The following EPB41L4A variants were observed in gnomAD, a reference collection of about 807,000 sequenced individuals.
The protein encoded by EPB41L4A is band 4.1-like protein 4A.
In EPB41L4A, 100 loss-of-function variants were observed where a neutral mutation model predicts 108.6. That is an observed-to-expected ratio of 0.92 (90% CI 0.78 to 1.09). The LOEUF (loss-of-function observed/expected upper bound fraction) is 1.09, where lower values mean the gene tolerates loss of function less well. Among genes scored for constraint, EPB41L4A ranks in the 50% least tolerant of loss-of-function variants. EPB41L4A has a pLI of 0.00. For missense variants in EPB41L4A, 1,030 were observed against 842.7 expected (o/e 1.22, Z -2.75); for synonymous variants, 319 against 289.0 (o/e 1.10, Z -1.05).
intron 4 of EPB41L4A, among the ~76,000 whole-genome samples, chr5:112,273,854 C>T (rs181497564): frequency 6.6e-6 from 1 of 152,290 alleles, no homozygotes; most frequent in South Asian, 2.1e-4. Context: ...TCCCTCCCCT[C>T]AACATATCCT....
intron 17 of EPB41L4A, among the ~76,000 whole-genome samples, chr5:112,185,297 G>T (rs1166190488): frequency 6.6e-6 from 1 of 152,192 alleles, no homozygotes; most frequent in Non-Finnish European, 1.5e-5. Flanking sequence ...GGCAGGCTTG[G>T]AGGCATTTCC....
chr5:112,416,335 CAAT>C (rs1762718754), intron 1 of EPB41L4A, among the ~76,000 whole-genome samples: 1 of 151,962 alleles, frequency 6.6e-6, no homozygotes, highest in African/African-American at 2.4e-5. Flanking sequence ...ATTACTGTAA[CAAT>C]AATACAAGCA....
intron 3 of EPB41L4A, among the ~76,000 whole-genome samples, chr5:112,277,566 C>T (rs1212583845): frequency 6.6e-6 from 1 of 152,068 alleles, no homozygotes; most frequent in Admixed American, 6.6e-5. Flanking sequence ...ATGCAAGGCA[C>T]ATTAAACTCC....
intron 1 of EPB41L4A, among the ~76,000 whole-genome samples, chr5:112,343,059 A>C (rs1275819725): frequency 1.3e-5 from 2 of 152,250 alleles, no homozygotes; most frequent in African/African-American, 4.8e-5. Flanking sequence ...CTAGCATACA[A>C]AGCACAAATA....
intron 1 of EPB41L4A, among the ~76,000 whole-genome samples, chr5:112,417,847 T>A (rs1310556430): frequency 6.6e-6 from 1 of 152,210 alleles, no homozygotes; most frequent in Non-Finnish European, 1.5e-5. Flanking sequence ...TTCTGTACAC[T>A]AAGAATGGCA....
chr5:112,351,685 C>T (rs1308848152), intron 1 of EPB41L4A, among the ~76,000 whole-genome samples: 1 of 151,912 alleles, frequency 6.6e-6, no homozygotes, highest in African/African-American at 2.4e-5. Flanking sequence ...CAGAGAGAGA[C>T]AGAGAGAGAG....
intron 2 of EPB41L4A, among the ~76,000 whole-genome samples, chr5:112,286,277 G>A (rs562089663): frequency 6.6e-6 from 1 of 152,026 alleles, no homozygotes; most frequent in Non-Finnish European, 1.5e-5. Context: ...ACACCCATGG[G>A]TAACTCCAAT....
At position 112,170,292 on chromosome 5, in the gene EPB41L4A, G is replaced by A; in HGVS notation, c.1739+9C>T. 1.2e-6 allele frequency: 2 copies of A among 1,611,892 alleles called. No individual in the cohort carries two copies. The highest frequency in any genetic ancestry group is 1.7e-6 in the Non-Finnish European group (2 of 1,178,730). On this transcript the variant is annotated intron_variant, in intron 20 of 22. Transcript: ENST00000261486. ...AAGCTTTGGTGAGAAGATTCTGAAAGGCACTCACTCTATTTTAGTGTATGG... is the reference window on the plus strand; with the variant it reads ...AAGCTTTGGTGAGAAGATTCTGAAAAGCACTCACTCTATTTTAGTGTATGG...
intron 12 of EPB41L4A, 151 bp downstream of exon 12, chr5:112,234,483 T>C: frequency 1.7e-6 from 1 of 602,382 alleles, no homozygotes; most frequent in Non-Finnish European, 2.5e-6. Context: ...ATTTCCAAGA[T>C]CAAATTAAAA....
chr5:112,254,962 T>C (rs1289629184), intron 9 of EPB41L4A, among the ~76,000 whole-genome samples: 1 of 152,128 alleles, frequency 6.6e-6, no homozygotes, highest in African/African-American at 2.4e-5. Flanking sequence ...GTTTCCACTG[T>C]AGCCCTCGAG....
At chr5:112,234,568 T>C in intron 12 of EPB41L4A, 66 bp downstream of exon 12, 1 of 1,520,214 alleles carries the variant, frequency 6.6e-7, no homozygotes, top group Non-Finnish European at 9.0e-7. Flanking sequence ...CACCTGAGTA[T>C]ATCTTACACT....
chr5:112,419,231 C>G lies in EPB41L4A; in HGVS notation c.-192G>C. ...CGGGAGCGAGAAAGGCGGAAAAGCCCGGGAGAGTCAGCGCCCGGGAGCCGC... is the reference window on the plus strand; with the variant it reads ...CGGGAGCGAGAAAGGCGGAAAAGCCGGGGAGAGTCAGCGCCCGGGAGCCGC... On this transcript the variant is annotated 5_prime_UTR_variant, in exon 1 of 23. Transcript: ENST00000261486. The G allele has an allele frequency of 4.4e-6, 2 of 455,292 alleles. No homozygotes were observed. The highest frequency in any genetic ancestry group is 6.1e-5 in the South Asian group (2 of 32,870). 28.2% of individuals were successfully genotyped at this position (455,292 alleles called of 1,614,324 possible).
Position 112,164,977 on chromosome 5 carries a change from CCCTT to C in EPB41L4A, c.*9_*12del. 6.2e-7 allele frequency: 1 copy of C among 1,609,802 alleles called. No individual in the cohort carries two copies. Among genetic ancestry groups the C allele is most frequent in the Non-Finnish European group, 8.5e-7 (1 of 1,178,690 alleles). ...ACAACCTTCCCACCCCTACCCTTGA[CCCTT>C]CATCAGGATCAAGTCTCTGTCTTGA... On this transcript the variant is annotated 3_prime_UTR_variant, in exon 23 of 23. Transcript: ENST00000261486.
At chr5:112,159,667 A>G (rs1759778386), downstream of EPB41L4A, among the ~76,000 whole-genome samples, 2 of 152,124 alleles carry the variant, frequency 1.3e-5, no homozygotes, top group African/African-American at 4.8e-5. Flanking sequence ...GCCTTCACAC[A>G]TCTGCTCGGA....
At chr5:112,409,695 G>A (rs1762301949) in intron 1 of EPB41L4A, among the ~76,000 whole-genome samples, 1 of 151,996 alleles carries the variant, frequency 6.6e-6, no homozygotes, top group Non-Finnish European at 1.5e-5. Flanking sequence ...GCTTGACTGG[G>A]AATCCCATAA....
At chr5:112,370,553 T>C (rs1040340502) in intron 1 of EPB41L4A, among the ~76,000 whole-genome samples, 5 of 152,208 alleles carry the variant, frequency 3.3e-5, no homozygotes, top group Non-Finnish European at 7.3e-5. Context: ...ACTTCATCTA[T>C]ATTAAATAAA....
chr5:112,262,772 A>AT (rs1269160537), intron 6 of EPB41L4A, among the ~76,000 whole-genome samples, 191 bp from the exon 7 acceptor site: 1 of 152,232 alleles, frequency 6.6e-6, no homozygotes, highest in Non-Finnish European at 1.5e-5. Context: ...TGATACTTAT[A>AT]TTAATTTCAT....
chr5:112,381,760 A>T (rs1163116809), intron 1 of EPB41L4A, among the ~76,000 whole-genome samples: 1 of 152,244 alleles, frequency 6.6e-6, no homozygotes, highest in Non-Finnish European at 1.5e-5. Flanking sequence ...AACCAGACAC[A>T]GTTGAGAAAA....
intron 12 of EPB41L4A, among the ~76,000 whole-genome samples, chr5:112,149,814 AAGC>A (rs1195282249): frequency 6.6e-6 from 1 of 152,226 alleles, no homozygotes; most frequent in East Asian, 1.9e-4. Flanking sequence ...CAGGAATCCA[AAGC>A]AAGTTCTGGA....
Sources: allele counts gnomAD v4.1 joint callset (sites outside exome capture counted in the v4.1 genomes callset), GRCh38; gene constraint gnomAD v4.1.1; transcripts MANE v1.5; gene names NCBI Gene and HGNC (gene_info 2026-07-23, HGNC 2026-07-21).